ABCD4: variants seen among roughly 807,000 people sequenced by gnomAD.
ABCD4 encodes ATP binding cassette subfamily D member 4, also known as lysosomal cobalamin transporter ABCD4.
ABCD4 carries 53 observed loss-of-function variants against 86.3 expected under a neutral mutation model. The ratio of observed to expected loss-of-function variants is 0.61; its 90% CI spans 0.49 to 0.77. ABCD4 has a LOEUF of 0.77. ABCD4 is among the 30% of genes least tolerant of loss of function. ABCD4 has a pLI of 0.00. For synonymous variants in ABCD4, 328 were observed against 313.6 expected, an observed-to-expected ratio of 1.05 and a Z score of -0.49; for missense variants, 757 against 764.5, an observed-to-expected ratio of 0.99 and a Z score of 0.12.
chr14:74,293,352 A>G, intron 7 of ABCD4, 104 bp from the exon 8 acceptor site: 3 of 1,027,554 alleles, frequency 2.9e-6, no homozygotes, highest in Non-Finnish European at 4.4e-6. Context: ...AAGGCCATTC[A>G]AATGATCTTG....
chr14:74,299,209 G>A (rs7147301), intron 3 of ABCD4: 8,545 of 232,344 alleles, frequency 0.037, 779 homozygotes, highest in African/African-American at 0.18. Flanking sequence ...TCCCGCAGAG[G>A]AGGAGCAGCA....
intron 11 of ABCD4, 109 bp from the exon 12 acceptor site, chr14:74,290,608 T>C: frequency 1.3e-6 from 1 of 786,914 alleles, no homozygotes; most frequent in Non-Finnish European, 2.1e-6. Context: ...TGGGCTGACT[T>C]GCATCCTCCC....
chr14:74,296,766 C>T (rs563204321), intron 4 of ABCD4: 24 of 279,034 alleles, frequency 8.6e-5, no homozygotes, highest in Middle Eastern at 1.2e-3. Context: ...GGTAGATGAG[C>T]TGTTTTGGAT....
At chr14:74,287,996 G>C (rs1004104159) in intron 16 of ABCD4, 110 bp from the exon 17 acceptor site, 14 of 1,158,446 alleles carry the variant, frequency 1.2e-5, no homozygotes, top group Non-Finnish European at 1.8e-5. Context: ...TGAGCCCCAG[G>C]AGACAGAAGC....
At chr14:74,298,522 C>T (rs1190045318) in intron 3 of ABCD4, among the ~76,000 whole-genome samples, 3 of 152,206 alleles carry the variant, frequency 2.0e-5, no homozygotes, top group African/African-American at 7.2e-5. Flanking sequence ...CCGCCCGCCT[C>T]GGCCTCTCAA....
rs763031301 is a variant in ABCD4, at chr14:74,286,388, T to C, written c.*73A>G. 2 of 1,531,880 alleles carry C rather than the reference T, an allele frequency of 1.3e-6. No individual in the cohort carries two copies. Among genetic ancestry groups the C allele is most frequent in the Admixed American group, 1.7e-5 (1 of 59,796 alleles). 94.9% of individuals were successfully genotyped at this position (1,531,880 alleles called of 1,614,324 possible). On this transcript the variant is annotated 3_prime_UTR_variant, in exon 19 of 19. Coordinates refer to ENST00000356924, the MANE Select transcript of ABCD4 (RefSeq NM_005050.4). ...TGGCGAACCTGAGCTCGATCTTCGC[T>C]GTCAGTCCTCCTGGTCTCTCCTGAG... is the stretch of plus-strand genomic sequence containing the variant.
chr14:74,299,589 G>A lies in ABCD4; in HGVS notation c.244C>T (p.Leu82=). 4 of 1,613,962 alleles carry A rather than the reference G, an allele frequency of 2.5e-6. No homozygotes were observed. The highest frequency in any genetic ancestry group is 3.4e-6 in the Non-Finnish European group (4 of 1,179,872). The change falls in exon 3 of 19, where the codon CTG becomes TTG. Residue 82 remains leucine (L), a synonymous_variant. Transcript: ENST00000356924. The part of the protein sequence containing the change: ...GNKDLEGFKT[L]TFLAVMLIVL... Reference sequence around the variant, plus strand: ...ATGAGCATGACAGCCAGGAATGTCAGAGTCTTAAACCCTTCCAAGTCTTTG... The same window carrying A: ...ATGAGCATGACAGCCAGGAATGTCAAAGTCTTAAACCCTTCCAAGTCTTTG...
Position 74,290,555 on chromosome 14 carries a change from G to A in ABCD4, c.1119-56C>T, listed in dbSNP as rs573097407. 163 of 1,412,866 alleles carry A rather than the reference G, an allele frequency of 1.2e-4. 2 individuals carry two copies. The South Asian group carries it at 1.8e-3, about 16-fold the overall frequency. 87.5% of individuals were successfully genotyped at this position (1,412,866 alleles called of 1,614,324 possible). A position where few individuals can be genotyped will look rare whatever the true frequency, so the allele number is the denominator to read the frequency against. On this transcript the variant is annotated intron_variant, in intron 11 of 18. Transcript: ENST00000356924. ...AGATGGGCAGGGTCAGTATTGCTGTGGGGGAGGCACTGCTCCCGGGAGCCA... is the reference window on the plus strand; with the variant it reads ...AGATGGGCAGGGTCAGTATTGCTGTAGGGGAGGCACTGCTCCCGGGAGCCA...
At chr14:74,294,112 G>A (rs2082240890) in intron 7 of ABCD4, 1 of 151,782 alleles carries the variant, frequency 6.6e-6, no homozygotes, top group Admixed American at 6.6e-5. Flanking sequence ...GAGTGCAATG[G>A]CAGGATCTTG....
Position 74,285,838 on chromosome 14 carries a change from C to T in ABCD4, c.*623G>A, listed in dbSNP as rs2079631231. The T allele has an allele frequency of 6.6e-6, 1 of 152,244 alleles. No homozygotes were observed. Among genetic ancestry groups the T allele is most frequent in the Admixed American group, 6.6e-5 (1 of 15,266 alleles). 9.4% of individuals were successfully genotyped at this position (152,244 alleles called of 1,614,324 possible). A position where few individuals can be genotyped will look rare whatever the true frequency, so the allele number is the denominator to read the frequency against. Reference sequence around the variant, plus strand: ...TCAGGTTCTAACTACACAACACTGGCAAGTGGAAAGGGAGATGTGGGGAGA... The same window carrying T: ...TCAGGTTCTAACTACACAACACTGGTAAGTGGAAAGGGAGATGTGGGGAGA... On this transcript the variant is annotated 3_prime_UTR_variant, in exon 19 of 19. Transcript: ENST00000356924.
chr14:74,290,403 C>A lies in ABCD4; in HGVS notation c.1215G>T (p.Lys405Asn). 6.2e-7 allele frequency: 1 copy of A among 1,614,080 alleles called. No homozygotes were observed. The highest frequency in any genetic ancestry group is 8.5e-7 in the Non-Finnish European group (1 of 1,180,020). ...CCTCGGAGATCTTTAGGCTCAGATC[C>A]TTGATTAGGGGTTTGTCAGAGGAGG... is the stretch of plus-strand genomic sequence containing the variant. The part of the protein sequence containing the change: ...SAPSSDKPLI[K>N]DLSLKISEGQ... The change falls in exon 12 of 19, where the codon AAG becomes AAT. Residue 405 changes from lysine to asparagine, a missense_variant. Coordinates refer to ENST00000356924, the MANE Select transcript of ABCD4 (RefSeq NM_005050.4).
At chr14:74,291,745 C>T (rs1259788164) in intron 11 of ABCD4, among the ~76,000 whole-genome samples, 1 of 152,156 alleles carries the variant, frequency 6.6e-6, no homozygotes, top group Admixed American at 6.5e-5. Context: ...GGCCACTGTC[C>T]AAGCACTTTC....
intron 13 of ABCD4, 118 bp from the exon 14 acceptor site, chr14:74,289,637 C>T (rs1350459773): frequency 1.3e-6 from 2 of 1,509,204 alleles, no homozygotes. Context: ...GTGGGAACGC[C>T]TGGCCTGGGT....
intron 11 of ABCD4, among the ~76,000 whole-genome samples, chr14:74,290,964 T>A (rs538414763): frequency 6.6e-6 from 1 of 151,962 alleles, no homozygotes; most frequent in East Asian, 1.9e-4. Flanking sequence ...TGAGCTTCCG[T>A]GCCCAGCTGG....
At chr14:74,300,671 C>G (rs2084205613) in intron 1 of ABCD4, among the ~76,000 whole-genome samples, 1 of 150,814 alleles carries the variant, frequency 6.6e-6, no homozygotes, top group Non-Finnish European at 1.5e-5. Flanking sequence ...AAAAGTAACA[C>G]TATCATGTTA....
At chr14:74,290,229 C>T in intron 12 of ABCD4, 62 bp downstream of exon 12, 1 of 1,611,996 alleles carries the variant, frequency 6.2e-7, no homozygotes. Context: ...CACACCGTCC[C>T]CGCCTTCACC....
At chr14:74,299,492 T>C (rs1466044778) in intron 3 of ABCD4, 56 bp downstream of exon 3, 7 of 1,600,838 alleles carry the variant, frequency 4.4e-6, no homozygotes, top group African/African-American at 2.7e-5. Context: ...CACTAGGCAT[T>C]ACGGTCACAC....
chr14:74,286,710 G>T lies in ABCD4; in HGVS notation c.1743C>A (p.Ser581Arg). Residue 581 changes from serine to arginine, a missense_variant, in exon 18 of 19, where the codon AGC becomes AGA. Physicochemically the swap from Ser to Arg is moderately radical, Grantham distance 110. Coordinates refer to ENST00000356924, the MANE Select transcript of ABCD4 (RefSeq NM_005050.4). ...MTFISVGHRQ[S>R]LEKFHSLVLK... ...TTGTGAGCACGGGTACCTTCTCAAG[G>T]CTCTGCCGATGTCCCACACTGATGA... 6.2e-7 allele frequency: 1 copy of T among 1,614,082 alleles called. No individual in the cohort carries two copies.
intron 15 of ABCD4, chr14:74,288,492 G>A (rs930692779): frequency 1.1e-5 from 7 of 651,048 alleles, no homozygotes; most frequent in South Asian, 3.9e-5. Flanking sequence ...AAAGCAAACC[G>A]CCTTCATCAA....
Sources: gnomAD v4.1 joint callset for allele counts (sites outside exome capture counted in the v4.1 genomes callset) on GRCh38, gnomAD v4.1.1 for gene constraint, MANE v1.5 for transcripts, NCBI Gene and HGNC (gene_info 2026-07-23, HGNC 2026-07-21) for gene names.